Variants in POLE2 observed in about 807,000 individuals in gnomAD.
POLE2 encodes DNA polymerase epsilon 2, accessory subunit.
In POLE2, 56 loss-of-function variants were observed where a neutral mutation model predicts 79.4. The observed-to-expected ratio is 0.71, with a 90% CI of 0.57 to 0.88. POLE2 has a LOEUF of 0.88. POLE2 is among the 40% of genes least tolerant of loss of function. The pLI is 0.00. For missense variants in POLE2, 598 were observed against 638.9 expected, an observed-to-expected ratio of 0.94 and a Z score of 0.69; for synonymous variants, 212 against 214.0, an observed-to-expected ratio of 0.99 and a Z score of 0.08.
chr14:49,681,186 C>T (rs972680571), intron 2 of POLE2: 2 of 160,082 alleles, frequency 1.2e-5, no homozygotes, highest in Non-Finnish European at 2.8e-5. Context: ...ACTTTTTTTC[C>T]AAGGGGAAGA....
In POLE2 at chr14:49,655,043, G is replaced by A. The variant is rs750190073; in HGVS notation, c.980C>T (p.Ser327Phe). Residue 327 changes from serine (S) to phenylalanine (F), a missense_variant, in exon 12 of 19, where the codon TCT (serine) becomes TTT (phenylalanine). Coordinates refer to ENST00000216367, the MANE Select transcript of POLE2 (RefSeq NM_002692.4). Reference sequence around the variant, plus strand: ...AACTTGATTTTTTCCATATGGTGCAGATGAAAAATTACCACACAGAATAAA... The same window carrying A: ...AACTTGATTTTTTCCATATGGTGCAAATGAAAAATTACCACACAGAATAAA... ...TCFILCGNFS[S>F]APYGKNQVQA... 3 of 1,580,864 alleles carry A rather than the reference G, an allele frequency of 1.9e-6. No homozygotes were observed. The highest frequency in any genetic ancestry group is 1.2e-5 in the South Asian group (1 of 85,494).
intron 13 of POLE2, 107 bp downstream of exon 13, chr14:49,654,677 T>C: frequency 7.7e-7 from 1 of 1,297,754 alleles, no homozygotes; most frequent in Non-Finnish European, 1.0e-6. Context: ...TTCTCAACTT[T>C]ATCTTTCTTC....
At chr14:49,679,830 A>T in intron 2 of POLE2, 30 bp from the exon 3 acceptor site, 1 of 1,278,260 alleles carries the variant, frequency 7.8e-7, no homozygotes, top group South Asian at 1.3e-5. Context: ...GTCAAAATTT[A>T]AAAACAAAAA....
Position 49,677,275 on chromosome 14 carries a change from C to A in POLE2, c.245+2450G>T, listed in dbSNP as rs370100505. 3.6e-5 allele frequency: 22 copies of A among 604,072 alleles called. No individual in the cohort carries two copies. The East Asian group carries it at 5.1e-4, about 14-fold the overall frequency. 37.4% of individuals were successfully genotyped at this position (604,072 alleles called of 1,614,324 possible). A position where few individuals can be genotyped will look rare whatever the true frequency, so the allele number is the denominator to read the frequency against. ...TAAGCATGAGGCCCAGCTGCTGCTT[C>A]CGTTCTTTAAGAGAGATATACTGTG... On this transcript the variant is annotated intron_variant, in intron 3 of 18. Transcript: ENST00000216367.
At chr14:49,649,247 C>T (rs528561038) in intron 17 of POLE2, among the ~76,000 whole-genome samples, 7 of 141,766 alleles carry the variant, frequency 4.9e-5, no homozygotes, top group Middle Eastern at 3.8e-3. Flanking sequence ...CCCGGGTTCA[C>T]GCCATTCTCC....
At chr14:49,648,116 ATG>A (rs1216138425) in intron 17 of POLE2, among the ~76,000 whole-genome samples, 2 of 152,172 alleles carry the variant, frequency 1.3e-5, no homozygotes, top group African/African-American at 4.8e-5. Context: ...TTCCCTTCCT[ATG>A]TGCCTGTAAA....
At chr14:49,680,455 T>C (rs1238615559) in intron 2 of POLE2, among the ~76,000 whole-genome samples, 2 of 152,182 alleles carry the variant, frequency 1.3e-5, no homozygotes, top group Non-Finnish European at 2.9e-5. Flanking sequence ...ATAGTAACAA[T>C]AGCAGCTACC....
At chr14:49,664,293 G>A (rs1041777744) in intron 9 of POLE2, among the ~76,000 whole-genome samples, 60 of 149,710 alleles carry the variant, frequency 4.0e-4, no homozygotes, top group African/African-American at 1.3e-3. Context: ...AGGTTGCAGT[G>A]AGCCGAGATC....
rs1289987471 is a variant in POLE2 at position 49,670,447 on chromosome 14, G to A, written c.418-849C>T. ...GTGCACAAGGTAGAACATGAGACAA[G>A]GCCAGAGATTAATAAGATCCATGTG... On this transcript the variant is annotated intron_variant, in intron 5 of 18. Coordinates refer to ENST00000216367, the MANE Select transcript of POLE2 (RefSeq NM_002692.4). 6.6e-5 allele frequency among the ~76,000 whole-genome samples: 10 copies of A among 151,910 alleles called. No individual in the cohort carries two copies. In the East Asian group the frequency reaches 1.9e-3, roughly 29 times the overall value.
rs1185120633 is a variant in POLE2 at position 49,688,166 on chromosome 14, G to A, written c.38C>T (p.Ala13Val). ...GAGCAGCAAGCCCCGCAACTTGAAG[G>A]CGGAGAGCGCCCGGCTCCGCAGCCG... ...PERLRSRALS[A>V]FKLRGLLLRG... The change falls in exon 1 of 19, where the codon GCC (alanine) becomes GTC (valine). Residue 13 changes from alanine (A) to valine (V), a missense_variant. Coordinates refer to ENST00000216367, the MANE Select transcript of POLE2 (RefSeq NM_002692.4). 2 of 1,551,264 alleles carry A rather than the reference G, an allele frequency of 1.3e-6. No individual in the cohort carries two copies. The highest frequency in any genetic ancestry group is 3.8e-5 in the Admixed American group (2 of 53,172).
chr14:49,652,342 C>G (rs1884331922), intron 15 of POLE2, among the ~76,000 whole-genome samples: 1 of 146,698 alleles, frequency 6.8e-6, no homozygotes, highest in African/African-American at 2.5e-5. Context: ...GGAGTAAAAG[C>G]TGGAGACCAA....
rs1302317718 is a variant in POLE2 at position 49,688,200 on chromosome 14, C to G, written c.4G>C (p.Ala2Pro). ...GCCCGGCTCCGCAGCCGCTCCGGCG[C>G]CATATTTGCGATTTGGCGCCACCGC... M[A>P]PERLRSRALS... Residue 2 changes from alanine to proline, a missense_variant, in exon 1 of 19, where the codon GCG becomes CCG. Physicochemically the swap from Ala to Pro is conservative, Grantham distance 27 (BLOSUM62 -1). Transcript: ENST00000216367. The G allele has an allele frequency of 6.5e-7, 1 of 1,529,318 alleles. No individual in the cohort carries two copies. Among genetic ancestry groups the G allele is most frequent in the Admixed American group, 2.0e-5 (1 of 50,162 alleles). 94.7% of individuals were successfully genotyped at this position (1,529,318 alleles called of 1,614,324 possible). A position where few individuals can be genotyped will look rare whatever the true frequency, so the allele number is the denominator to read the frequency against.
Position 49,680,822 on chromosome 14 carries a change from G to A in POLE2, c.170-1022C>T, listed in dbSNP as rs186137413. ...AATTTTTTGTATTTTTAGTAGAGAC[G>A]GGGTTTCACTGTGTTAGCCAGGATG... On this transcript the variant is annotated intron_variant, in intron 2 of 18. Coordinates refer to ENST00000216367, the MANE Select transcript of POLE2 (RefSeq NM_002692.4). 4.1e-3 allele frequency among the ~76,000 whole-genome samples: 625 copies of A among 151,604 alleles called. 2 individuals carry two copies. Among genetic ancestry groups the A allele is most frequent in the Non-Finnish European group, 7.6e-3 (519 of 67,930 alleles).
At chr14:49,671,560 T>G (rs1296992403) in intron 5 of POLE2, among the ~76,000 whole-genome samples, 1 of 141,214 alleles carries the variant, frequency 7.1e-6, no homozygotes, top group East Asian at 2.0e-4. Flanking sequence ...GAAGTTGCAG[T>G]GAGCCGGGAT....
rs374448726 is a variant in POLE2, at chr14:49,644,036, T to C, written c.1566-366A>G. On this transcript the variant is annotated intron_variant, in intron 18 of 18. Transcript: ENST00000216367. ...CTGAGATTATAGGCACTTGCCACCA[T>C]GCCTGGCTAATTTTTGTATTTTTAG... Among the ~76,000 whole-genome samples the C allele has an allele frequency of 3.8e-4, 57 of 151,164 alleles. 1 individual carries two copies. In the South Asian group the frequency reaches 0.01, roughly 27 times the overall value.
chr14:49,654,723 C>T, intron 13 of POLE2, 61 bp downstream of exon 13: 2 of 1,457,390 alleles, frequency 1.4e-6, no homozygotes, highest in Non-Finnish European at 1.8e-6. Flanking sequence ...TAACAAAATT[C>T]ATTTTTTGTT....
At chr14:49,677,092 A>G (rs1437913593) in intron 3 of POLE2, among the ~76,000 whole-genome samples, 1 of 152,156 alleles carries the variant, frequency 6.6e-6, no homozygotes, top group East Asian at 1.9e-4. Flanking sequence ...GACCTAGTGG[A>G]GGGGTTACAG....
chr14:49,660,137 G>C lies in POLE2; in HGVS notation c.755+3178C>G, dbSNP rs150520358. Reference sequence around the variant, plus strand: ...TTTTACTTTATCTTTTCTGTATCTAGAGAGACAAATACTTATCATTGTGTT... The same window carrying C: ...TTTTACTTTATCTTTTCTGTATCTACAGAGACAAATACTTATCATTGTGTT... On this transcript the variant is annotated intron_variant, in intron 10 of 18. Transcript: ENST00000216367. 4.5e-4 allele frequency among the ~76,000 whole-genome samples: 69 copies of C among 152,220 alleles called. 2 individuals carry two copies. The Middle Eastern group carries it at 0.037, about 83-fold the overall frequency.
At position 49,679,726 on chromosome 14, in the gene POLE2, T is replaced by C; in HGVS notation, c.244A>G (p.Ile82Val). The part of the protein sequence containing the change: ...QECSQSVDET[I>V]EHVFNIIGAF... Reference sequence around the variant, plus strand: ...AAAAAGTTAACTGTACCCACATACATAGTTTCATCAACAGACTGACTGCAT... The same window carrying C: ...AAAAAGTTAACTGTACCCACATACACAGTTTCATCAACAGACTGACTGCAT... Residue 82 changes from isoleucine to valine, a missense_variant and splice_region_variant, in exon 3 of 19, where the codon ATA becomes GTA. By Grantham distance (29) the Ile-to-Val change is conservative. Transcript: ENST00000216367. The C allele has an allele frequency of 1.3e-6, 2 of 1,565,000 alleles. No homozygotes were observed. Among genetic ancestry groups the C allele is most frequent in the Middle Eastern group, 1.7e-4 (1 of 5,958 alleles).
Sources: gnomAD v4.1 joint callset for allele counts (sites outside exome capture counted in the v4.1 genomes callset) on GRCh38, gnomAD v4.1.1 for gene constraint, MANE v1.5 for transcripts, NCBI Gene and HGNC (gene_info 2026-07-23, HGNC 2026-07-21) for gene names.